Variants in SNCAIP observed in about 807,000 individuals in gnomAD.
The protein encoded by SNCAIP is synphilin-1.
A neutral mutation model predicts 86.7 loss-of-function variants in SNCAIP; 43 were observed. The ratio of observed to expected loss-of-function variants is 0.50; its 90% CI spans 0.39 to 0.64. SNCAIP has a LOEUF of 0.64. Ranked by LOEUF, SNCAIP falls within the 30% of genes least tolerant of loss-of-function variation. The pLI is 0.00. For synonymous variants in SNCAIP, 417 were observed against 427.2 expected (o/e 0.98, Z 0.29); for missense variants, 981 against 1,103.1 (o/e 0.89, Z 1.57).
At chr5:122,458,606 C>G (rs970540661) in intron 10 of SNCAIP, among the ~76,000 whole-genome samples, 2 of 152,196 alleles carry the variant, frequency 1.3e-5, no homozygotes, top group African/African-American at 4.8e-5. Flanking sequence ...AAGTATCCTT[C>G]CCCCGGCCAG....
At chr5:122,331,735 A>C (rs189254754) in intron 1 of SNCAIP, among the ~76,000 whole-genome samples, 1 of 152,146 alleles carries the variant, frequency 6.6e-6, no homozygotes, top group Admixed American at 6.5e-5. Flanking sequence ...TAATGTCTCC[A>C]CTTAATCCCG....
intron 1 of SNCAIP, among the ~76,000 whole-genome samples, chr5:122,332,768 G>A (rs141460000): frequency 2.6e-4 from 40 of 152,324 alleles, no homozygotes; most frequent in South Asian, 2.1e-4. Context: ...AGTGGGGAAT[G>A]GAGGGAGAGC....
intron 3 of SNCAIP, among the ~76,000 whole-genome samples, chr5:122,416,049 A>G (rs193239689): frequency 3.9e-4 from 59 of 152,324 alleles, no homozygotes; most frequent in Admixed American, 8.5e-4. Flanking sequence ...TAAAGTTGTC[A>G]AAATATTGAG....
rs1765355451 is a variant in SNCAIP, at chr5:122,376,476, A to G, written c.-46-14613A>G. On this transcript the variant is annotated intron_variant, in intron 1 of 10. Coordinates refer to ENST00000261368, the MANE Select transcript of SNCAIP (RefSeq NM_005460.4). Reference sequence around the variant, plus strand: ...TAGTTCCCTTCCAGAAGCCAGTGCAAGACATGATTGGTTGGCTTAAGCCCA... The same window carrying G: ...TAGTTCCCTTCCAGAAGCCAGTGCAGGACATGATTGGTTGGCTTAAGCCCA... 1.3e-5 allele frequency among the ~76,000 whole-genome samples: 2 copies of G among 152,172 alleles called. 1 individual carries two copies. The highest frequency in any genetic ancestry group is 4.1e-4 in the South Asian group (2 of 4,826).
chr5:122,345,309 A>G (rs1758379360), intron 1 of SNCAIP, among the ~76,000 whole-genome samples: 1 of 152,204 alleles, frequency 6.6e-6, no homozygotes, highest in South Asian at 2.1e-4. Flanking sequence ...TCTTACTTTT[A>G]AACATACAGT....
At chr5:122,445,624 A>G (rs1226897957) in intron 8 of SNCAIP, among the ~76,000 whole-genome samples, 8 of 149,172 alleles carry the variant, frequency 5.4e-5, no homozygotes, top group Non-Finnish European at 1.0e-4. Flanking sequence ...TTAGAGGGAA[A>G]ATACTCTTAC....
intron 1 of SNCAIP, among the ~76,000 whole-genome samples, chr5:122,335,262 TTG>T (rs758052469): frequency 6.6e-6 from 1 of 152,178 alleles, no homozygotes; most frequent in Non-Finnish European, 1.5e-5. Flanking sequence ...GATAGGCTTT[TTG>T]TGTGTGTGAC....
At chr5:122,348,926 A>G (rs920830415) in intron 1 of SNCAIP, among the ~76,000 whole-genome samples, 10 of 152,200 alleles carry the variant, frequency 6.6e-5, no homozygotes, top group African/African-American at 2.4e-4. Flanking sequence ...TCTTTAATCT[A>G]GTTCATAGCT....
At chr5:122,392,448 C>T (rs1769601648) in intron 2 of SNCAIP, among the ~76,000 whole-genome samples, 1 of 152,118 alleles carries the variant, frequency 6.6e-6, no homozygotes, top group African/African-American at 2.4e-5. Context: ...CTCTAAGTCA[C>T]TATGCTTGAC....
intron 1 of SNCAIP, among the ~76,000 whole-genome samples, chr5:122,342,294 A>G (rs1008990858): frequency 1.3e-5 from 2 of 152,110 alleles, no homozygotes; most frequent in Non-Finnish European, 2.9e-5. Flanking sequence ...GGAATGGAAG[A>G]GTGGAACCAG....
chr5:122,383,249 C>A (rs917989424), intron 1 of SNCAIP, among the ~76,000 whole-genome samples: 7 of 152,192 alleles, frequency 4.6e-5, no homozygotes, highest in Non-Finnish European at 4.4e-5. Flanking sequence ...CGTGATGCGC[C>A]GTTTTTTAAG....
In SNCAIP at chr5:122,456,339, A is replaced by ATTTG. The variant is rs369893605; in HGVS notation, c.2754+4738_2754+4739insTTTG. Among the ~76,000 whole-genome samples the ATTTG allele has an allele frequency of 5.7e-3, 869 of 152,322 alleles. 9 individuals carry two copies. The highest frequency in any genetic ancestry group is 0.02 in the African/African-American group (830 of 41,582). On this transcript the variant is annotated intron_variant, in intron 10 of 10. Coordinates refer to ENST00000261368, the MANE Select transcript of SNCAIP (RefSeq NM_005460.4). Reference sequence around the variant, plus strand: ...TAAGGTTGTTCAGCAGCCACTTCAAAGAGACTGGTCTGCTTCGCCAGTAGT... The same window carrying ATTTG: ...TAAGGTTGTTCAGCAGCCACTTCAAATTTGGAGACTGGTCTGCTTCGCCAGTAGT...
At chr5:122,331,789 G>A (rs1458409623) in intron 1 of SNCAIP, among the ~76,000 whole-genome samples, 2 of 152,144 alleles carry the variant, frequency 1.3e-5, no homozygotes, top group Non-Finnish European at 1.5e-5. Flanking sequence ...TTTCATCATA[G>A]CACTTACCCT....
intron 10 of SNCAIP, among the ~76,000 whole-genome samples, chr5:122,462,577 A>G (rs1363714509): frequency 6.6e-6 from 1 of 152,170 alleles, no homozygotes; most frequent in East Asian, 1.9e-4. Context: ...AAGAATTATA[A>G]CTTTCAGATG....
intron 1 of SNCAIP, among the ~76,000 whole-genome samples, chr5:122,354,593 C>T (rs1760628905): frequency 1.3e-5 from 2 of 152,040 alleles, no homozygotes; most frequent in East Asian, 1.9e-4. Flanking sequence ...AGGAAAGTTG[C>T]CCTGACTGAA....
intron 1 of SNCAIP, among the ~76,000 whole-genome samples, chr5:122,383,141 T>G (rs1009539812): frequency 6.6e-6 from 1 of 152,188 alleles, no homozygotes; most frequent in African/African-American, 2.4e-5. Context: ...TCCCCCAGCC[T>G]CGCTGCAGCC....
At chr5:122,431,106 T>C (rs1227962806) in intron 5 of SNCAIP, among the ~76,000 whole-genome samples, 1 of 152,154 alleles carries the variant, frequency 6.6e-6, no homozygotes, top group Non-Finnish European at 1.5e-5. Flanking sequence ...TAACTGACCA[T>C]GCCGTGTGTT....
At chr5:122,416,218 G>T (rs1016545077) in intron 3 of SNCAIP, among the ~76,000 whole-genome samples, 3 of 152,130 alleles carry the variant, frequency 2.0e-5, no homozygotes, top group African/African-American at 7.2e-5. Flanking sequence ...GGGCAGAGCT[G>T]GGAATAATAA....
chr5:122,335,480 AC>A (rs1254170943), intron 1 of SNCAIP, among the ~76,000 whole-genome samples: 1 of 152,194 alleles, frequency 6.6e-6, no homozygotes, highest in Non-Finnish European at 1.5e-5. Flanking sequence ...TCCAGTTATG[AC>A]AGTAAAGGGA....
Sources: gnomAD v4.1 joint callset for allele counts (sites outside exome capture counted in the v4.1 genomes callset) on GRCh38, gnomAD v4.1.1 for gene constraint, MANE v1.5 for transcripts, NCBI Gene and HGNC (gene_info 2026-07-23, HGNC 2026-07-21) for gene names.